STON2: variants seen among roughly 807,000 people sequenced by gnomAD.
STON2 encodes stonin 2.
In STON2, 29 loss-of-function variants were observed where a neutral mutation model predicts 65.7. The ratio of observed to expected loss-of-function variants is 0.44; its 90% CI spans 0.33 to 0.60. The LOEUF (loss-of-function observed/expected upper bound fraction) is 0.60. Ranked by LOEUF, STON2 falls within the 20% of genes least tolerant of loss-of-function variation. STON2 has a pLI of 0.03. For synonymous variants in STON2, 404 were observed against 414.2 expected (o/e 0.98, Z 0.30); for missense variants, 1,054 against 1,118.1 (o/e 0.94, Z 0.82).
chr14:81,319,523 A>T (rs538471295), intron 5 of STON2, among the ~76,000 whole-genome samples: 1 of 152,294 alleles, frequency 6.6e-6, no homozygotes, highest in East Asian at 1.9e-4. Context: ...GTGATCATAA[A>T]GTTTACTTTT....
In STON2 at chr14:81,267,793, A is replaced by AAACCT; in HGVS notation, c.*616_*620dup. On this transcript the variant is annotated 3_prime_UTR_variant, in exon 8 of 8. Coordinates refer to ENST00000614646, the MANE Select transcript of STON2 (RefSeq NM_001394390.1). ...CTCAGGATAGCAAATCCTGTGACTGAAACCTTAGAGAGATGGAAAAAGTGT... is the reference window on the plus strand; with the variant it reads ...CTCAGGATAGCAAATCCTGTGACTGAAACCTAACCTTAGAGAGATGGAAAAAGTGT... 7 of 985,442 alleles carry AAACCT rather than the reference A, an allele frequency of 7.1e-6. No homozygotes were observed. The highest frequency in any genetic ancestry group is 8.4e-6 in the Non-Finnish European group (7 of 829,942). The allele number at this position is 985,442 out of a possible 1,614,324, so 61.0% of individuals were successfully genotyped here.
At chr14:81,293,524 C>T (rs573777692) in intron 5 of STON2, among the ~76,000 whole-genome samples, 1 of 152,180 alleles carries the variant, frequency 6.6e-6, no homozygotes, top group South Asian at 2.1e-4. Flanking sequence ...TGGGAGATAA[C>T]AAAAATGGCC....
chr14:81,315,007 G>A (rs904510510), intron 5 of STON2, among the ~76,000 whole-genome samples: 1 of 152,080 alleles, frequency 6.6e-6, no homozygotes, highest in African/African-American at 2.4e-5. Flanking sequence ...ACCATGCCTG[G>A]CCTAACACCT....
chr14:81,321,367 C>CT (rs1233424899), intron 5 of STON2, among the ~76,000 whole-genome samples: 1 of 132,472 alleles, frequency 7.5e-6, no homozygotes, highest in Non-Finnish European at 1.6e-5. Context: ...CCTGTTTCTA[C>CT]TTTAAAAAAA....
chr14:81,427,591 C>T (rs538228627), intron 1 of STON2, among the ~76,000 whole-genome samples: 5 of 152,158 alleles, frequency 3.3e-5, no homozygotes, highest in Admixed American at 1.3e-4. Context: ...AGCACAGCCC[C>T]GCCTATGCCA....
intron 4 of STON2, among the ~76,000 whole-genome samples, chr14:81,368,926 G>A (rs913885279): frequency 6.6e-6 from 1 of 152,074 alleles, no homozygotes; most frequent in African/African-American, 2.4e-5. Flanking sequence ...ACACCTGTTT[G>A]CCGCTTCCAA....
Position 81,281,286 on chromosome 14 carries a change from T to A in STON2, c.743-2547A>T, listed in dbSNP as rs537475887. On this transcript the variant is annotated intron_variant, in intron 5 of 7. Coordinates refer to ENST00000614646, the MANE Select transcript of STON2 (RefSeq NM_001394390.1). Reference sequence around the variant, plus strand: ...AAACAACCTACACTTACAGTATTTATATTTTATTTATCATTTTGGTAACAA... The same window carrying A: ...AAACAACCTACACTTACAGTATTTAAATTTTATTTATCATTTTGGTAACAA... Among the ~76,000 whole-genome samples, 8 of 152,346 alleles carry A rather than the reference T, an allele frequency of 5.3e-5. No individual in the cohort carries two copies. The South Asian group carries it at 1.7e-3, about 32-fold the overall frequency.
intron 4 of STON2, among the ~76,000 whole-genome samples, chr14:81,357,281 C>CA (rs1222228092): frequency 6.6e-6 from 1 of 151,634 alleles, no homozygotes; most frequent in Non-Finnish European, 1.5e-5. Flanking sequence ...TTTATGCAGC[C>CA]AAAAAACACA....
rs538610414 is a variant in STON2, at chr14:81,396,069, CGAGTGG to C, written c.192_197del (p.His65_Ser66del). 2.0e-4 allele frequency: 317 copies of C among 1,614,176 alleles called. 5 individuals carry two copies. The South Asian group carries it at 3.3e-3, about 17-fold the overall frequency. On this transcript the variant is annotated inframe_deletion, in exon 3 of 8. Coordinates refer to ENST00000614646, the MANE Select transcript of STON2 (RefSeq NM_001394390.1). ...TCTTTTCAGAGGAGTCATCCTGCTC[CGAGTGG>C]GAATGGTCTTGAGAGCCTCCATCCA... is the stretch of plus-strand genomic sequence containing the variant.
intron 3 of STON2, among the ~76,000 whole-genome samples, chr14:81,379,662 A>T (rs968106671): frequency 6.6e-6 from 1 of 152,218 alleles, no homozygotes; most frequent in Non-Finnish European, 1.5e-5. Flanking sequence ...AGACCAATGA[A>T]ATAGGTTAGA....
At chr14:81,286,818 C>T (rs545163467) in intron 5 of STON2, among the ~76,000 whole-genome samples, 2 of 152,320 alleles carry the variant, frequency 1.3e-5, no homozygotes, top group African/African-American at 4.8e-5. Context: ...TTGACCTCTT[C>T]ATTTTACAGA....
At chr14:81,319,458 T>C (rs1595347065) in intron 5 of STON2, among the ~76,000 whole-genome samples, 2 of 152,222 alleles carry the variant, frequency 1.3e-5, no homozygotes, top group Admixed American at 6.5e-5. Context: ...GCCATCAATA[T>C]GCAACTGTGG....
intron 5 of STON2, among the ~76,000 whole-genome samples, chr14:81,315,515 GTGA>G (rs1896585446): frequency 1.8e-5 from 1 of 56,488 alleles, no homozygotes; most frequent in Admixed American, 1.6e-4. Context: ...ACGTAGGCAG[GTGA>G]CGATACTGGC....
At chr14:81,308,154 C>T (rs988948777) in intron 5 of STON2, among the ~76,000 whole-genome samples, 1 of 152,170 alleles carries the variant, frequency 6.6e-6, no homozygotes, top group African/African-American at 2.4e-5. Flanking sequence ...GAAACACTGT[C>T]ATTACGCTTA....
At chr14:81,298,960 G>C (rs1895869987) in intron 5 of STON2, among the ~76,000 whole-genome samples, 1 of 152,126 alleles carries the variant, frequency 6.6e-6, no homozygotes, top group African/African-American at 2.4e-5. Context: ...ATACAGACAA[G>C]AGAACGACAT....
intron 3 of STON2, among the ~76,000 whole-genome samples, chr14:81,390,093 C>G (rs1312235370): frequency 6.6e-6 from 1 of 151,840 alleles, no homozygotes; most frequent in South Asian, 2.1e-4. Flanking sequence ...ACGCCGTAAT[C>G]CCAGCTATTT....
At chr14:81,368,738 A>G (rs1032287537) in intron 4 of STON2, among the ~76,000 whole-genome samples, 4 of 152,064 alleles carry the variant, frequency 2.6e-5, no homozygotes, top group African/African-American at 7.2e-5. Flanking sequence ...AAAAAAGAGG[A>G]TGGTTGCCAA....
At chr14:81,358,479 G>A (rs1158286420) in intron 4 of STON2, among the ~76,000 whole-genome samples, 1 of 151,986 alleles carries the variant, frequency 6.6e-6, no homozygotes, top group South Asian at 2.1e-4. Flanking sequence ...TCAGAAGAAA[G>A]GAAGGAAAAT....
rs142806717 is a variant in STON2, at chr14:81,277,961, G to A, written c.1521C>T (p.Phe507=). The change falls in exon 6 of 8, where the codon TTC becomes TTT. Residue 507 remains phenylalanine (F), a synonymous_variant. Transcript: ENST00000614646. ...GGTAACCAGTGTCTGTCAGTTTGAC[G>A]AAGATCGGTCCCCAGTGCCTGGAGG... ...IMSSRHWGPI[F]VKLTDTGYLQ... is the part of the protein sequence containing the mutation. 2,136 of 1,614,160 alleles carry A rather than the reference G, an allele frequency of 1.3e-3. 3 individuals are homozygous for A. The highest frequency in any genetic ancestry group is 1.6e-3 in the Non-Finnish European group (1,936 of 1,180,032).
Sources: gnomAD v4.1 joint callset for allele counts (sites outside exome capture counted in the v4.1 genomes callset) on GRCh38, gnomAD v4.1.1 for gene constraint, MANE v1.5 for transcripts, NCBI Gene and HGNC (gene_info 2026-07-23, HGNC 2026-07-21) for gene names.